Variants in PGPEP1 observed in about 807,000 individuals in gnomAD.
The protein encoded by PGPEP1 is pyroglutamyl-peptidase 1.
In PGPEP1, 15 loss-of-function variants were observed where a neutral mutation model predicts 24.1. That is an observed-to-expected ratio of 0.62 (90% CI 0.42 to 0.96). PGPEP1 has a LOEUF of 0.96. Ranked by LOEUF, PGPEP1 falls within the 40% of genes least tolerant of loss-of-function variation. PGPEP1 has a pLI of 0.00. For missense variants in PGPEP1, 242 were observed against 273.4 expected (o/e 0.89, Z 0.81); for synonymous variants, 122 against 116.4 (o/e 1.05, Z -0.31).
intron 1 of PGPEP1, 98 bp downstream of exon 1, chr19:18,340,813 C>A: frequency 1.1e-6 from 1 of 923,272 alleles, no homozygotes; most frequent in Non-Finnish European, 1.5e-6. Context: ...GCTGGAAGTC[C>A]TCTCAGATTT....
intron 2 of PGPEP1, among the ~76,000 whole-genome samples, chr19:18,351,004 T>A (rs1971002555): frequency 6.6e-6 from 1 of 152,214 alleles, no homozygotes; most frequent in Non-Finnish European, 1.5e-5. Flanking sequence ...CCGGGCACAG[T>A]GGCTCACGTC....
chr19:18,346,749 TC>T (rs1970859723), intron 2 of PGPEP1, among the ~76,000 whole-genome samples: 1 of 148,198 alleles, frequency 6.7e-6, no homozygotes, highest in South Asian at 2.3e-4. Flanking sequence ...CAAGCAATTC[TC>T]CTGCCTCAGC....
chr19:18,357,007 C>CA (rs1209666650), intron 3 of PGPEP1, among the ~76,000 whole-genome samples: 1 of 152,238 alleles, frequency 6.6e-6, no homozygotes, highest in African/African-American at 2.4e-5. Context: ...CACTGCACTC[C>CA]AGCCTGGGCG....
intron 1 of PGPEP1, among the ~76,000 whole-genome samples, chr19:18,341,205 C>T (rs1970662385): frequency 6.6e-6 from 1 of 152,154 alleles, no homozygotes; most frequent in Non-Finnish European, 1.5e-5. Flanking sequence ...CCCTGCGCTC[C>T]TGGGGGGCTA....
Position 18,340,634 on chromosome 19 carries a change from C to G in PGPEP1, c.-48C>G. 1.3e-6 allele frequency: 2 copies of G among 1,497,232 alleles called. No homozygotes were observed. The highest frequency in any genetic ancestry group is 1.8e-6 in the Non-Finnish European group (2 of 1,122,336). 92.7% of individuals were successfully genotyped at this position (1,497,232 alleles called of 1,614,324 possible). ...GAGAGGCTGCAGCGGCAGCAGCTGT[C>G]GCGCCAGTCGCAACAGAAGCAGGTC... On this transcript the variant is annotated 5_prime_UTR_variant, in exon 1 of 5. Coordinates refer to ENST00000269919, the MANE Select transcript of PGPEP1 (RefSeq NM_017712.4).
At chr19:18,351,655 G>T (rs1485651182) in intron 2 of PGPEP1, among the ~76,000 whole-genome samples, 1 of 150,152 alleles carries the variant, frequency 6.7e-6, no homozygotes, top group Admixed American at 6.7e-5. Flanking sequence ...AGATAAAATC[G>T]ATGTAAAAAC....
chr19:18,345,582 G>A (rs149996482), intron 2 of PGPEP1, among the ~76,000 whole-genome samples: 58 of 151,264 alleles, frequency 3.8e-4, no homozygotes, highest in African/African-American at 1.3e-3. Flanking sequence ...ACAAACAGCC[G>A]GGAGTGGTGG....
chr19:18,362,392 G>A (rs928184039), intron 4 of PGPEP1, among the ~76,000 whole-genome samples: 6 of 150,116 alleles, frequency 4.0e-5, no homozygotes, highest in Non-Finnish European at 8.9e-5. Context: ...GGGTGACAGA[G>A]TATGACTCCG....
In PGPEP1 at chr19:18,358,062, G is replaced by A. The variant is rs754378036; in HGVS notation, c.437+447G>A. 23 of 205,668 alleles carry A rather than the reference G, an allele frequency of 1.1e-4. No individual in the cohort carries two copies. In the South Asian group the frequency reaches 1.8e-3, roughly 16 times the overall value. The allele number at this position is 205,668 out of a possible 1,614,324, so 12.7% of individuals were successfully genotyped here. ...GTAGCAGGACTGGTTCCTTCTGGAG[G>A]TGCTGAGGGTGAGTCTGTCCCAGGC... On this transcript the variant is annotated intron_variant, in intron 4 of 4. Coordinates refer to ENST00000269919, the MANE Select transcript of PGPEP1 (RefSeq NM_017712.4).
intron 2 of PGPEP1, among the ~76,000 whole-genome samples, chr19:18,344,699 G>A (rs1468290890): frequency 1.3e-5 from 2 of 151,742 alleles, no homozygotes; most frequent in South Asian, 2.1e-4. Context: ...CCCGCTCCCC[G>A]GAGAGCCAGA....
intron 1 of PGPEP1, among the ~76,000 whole-genome samples, chr19:18,340,984 C>G (rs564959179): frequency 1.4e-3 from 209 of 152,168 alleles, no homozygotes; most frequent in Non-Finnish European, 2.2e-3. Flanking sequence ...CCCTGGCGTC[C>G]TTTCCTCCCA....
At position 18,363,542 on chromosome 19, in the gene PGPEP1, G is replaced by T; in HGVS notation, c.589G>T (p.Glu197Ter). ...AIIEEMLDLL[E>*]QSEGKINYCH... Reference sequence around the variant, plus strand: ...CATTGAGGAGATGTTGGACCTCCTGGAGCAGTCAGAGGGCAAAATCAACTA... The same window carrying T: ...CATTGAGGAGATGTTGGACCTCCTGTAGCAGTCAGAGGGCAAAATCAACTA... Residue 197 changes from glutamate (E) to a stop codon, truncating the protein, a stop_gained, in exon 5 of 5, where the codon GAG (glutamate) becomes TAG (stop). Coordinates refer to ENST00000269919, the MANE Select transcript of PGPEP1 (RefSeq NM_017712.4). LOFTEE classifies it high-confidence loss of function. The T allele has an allele frequency of 2.5e-6, 4 of 1,614,072 alleles. No homozygotes were observed. The highest frequency in any genetic ancestry group is 3.4e-6 in the Non-Finnish European group (4 of 1,179,992).
At chr19:18,357,759 G>A (rs938445677) in intron 4 of PGPEP1, 144 bp downstream of exon 4, 8 of 642,970 alleles carry the variant, frequency 1.2e-5, no homozygotes, top group South Asian at 3.6e-5. Context: ...GTATTTGTAC[G>A]TAGCAGGTGC....
In PGPEP1 at chr19:18,360,064, G is replaced by A. The variant is rs190668105; in HGVS notation, c.437+2449G>A. ...CTGTTGCATAGGCTGGAGTCAAGTAGTATAATCACAGCTCACTGCAGCCTC... is the reference window on the plus strand; with the variant it reads ...CTGTTGCATAGGCTGGAGTCAAGTAATATAATCACAGCTCACTGCAGCCTC... On this transcript the variant is annotated intron_variant, in intron 4 of 4. Transcript: ENST00000269919. Among the ~76,000 whole-genome samples, 71 of 152,178 alleles carry A rather than the reference G, an allele frequency of 4.7e-4. 1 individual carries two copies. In the East Asian group the frequency reaches 9.7e-3, roughly 21 times the overall value.
chr19:18,363,033 T>TTGTGTGTGTGTGTGTGTGTGTGTGTG (rs201259409), intron 4 of PGPEP1, among the ~76,000 whole-genome samples: 4 of 136,684 alleles, frequency 2.9e-5, no homozygotes, highest in African/African-American at 1.1e-4. Flanking sequence ...TTTTTTTTGT[T>TTGTGTGTGTGTGTGTGTGTGTGTGTG]TGTGTGTGTG....
chr19:18,361,393 C>G (rs1203210828), intron 4 of PGPEP1, among the ~76,000 whole-genome samples: 8 of 152,234 alleles, frequency 5.3e-5, no homozygotes, highest in African/African-American at 1.9e-4. Context: ...CCCGCCTTGG[C>G]CTTACAAAGT....
Position 18,368,676 on chromosome 19 carries a change from G to A in PGPEP1, c.*5093G>A, listed in dbSNP as rs1396136870. The stretch of plus-strand genomic sequence containing the variant: ...GGAGGGGGATGGCTCATGGAAATCT[G>A]TCCCGCACAGCTGGCCCCCTTTTGG... On this transcript the variant is annotated 3_prime_UTR_variant, in exon 5 of 5. Coordinates refer to ENST00000269919, the MANE Select transcript of PGPEP1 (RefSeq NM_017712.4). 6.5e-6 allele frequency: 1 copy of A among 153,104 alleles called. No homozygotes were observed. Among genetic ancestry groups the A allele is most frequent in the Non-Finnish European group, 1.5e-5 (1 of 68,432 alleles). 9.5% of individuals were successfully genotyped at this position (153,104 alleles called of 1,614,324 possible). A position where few individuals can be genotyped will look rare whatever the true frequency, so the allele number is the denominator to read the frequency against.
intron 4 of PGPEP1, among the ~76,000 whole-genome samples, chr19:18,358,235 C>A (rs1216609012): frequency 6.8e-6 from 1 of 147,122 alleles, no homozygotes; most frequent in Non-Finnish European, 1.5e-5. Context: ...ATTTAGGACT[C>A]ATCCTAATCC....
chr19:18,360,185 G>A (rs1175871806), intron 4 of PGPEP1, among the ~76,000 whole-genome samples: 1 of 151,974 alleles, frequency 6.6e-6, no homozygotes, highest in Non-Finnish European at 1.5e-5. Context: ...TGTATTTTTT[G>A]TAGAGATAGA....
Sources: allele counts gnomAD v4.1 joint callset (sites outside exome capture counted in the v4.1 genomes callset), GRCh38; gene constraint gnomAD v4.1.1; transcripts MANE v1.5; gene names NCBI Gene and HGNC (gene_info 2026-07-23, HGNC 2026-07-21).